Variants in TBC1D8B observed in about 807,000 individuals in gnomAD.
TBC1D8B encodes RP11-321G1.1.
A neutral mutation model predicts 82.9 loss-of-function variants in TBC1D8B; 75 were observed. The observed-to-expected ratio is 0.90, with a 90% confidence interval of 0.75 to 1.10. TBC1D8B has a LOEUF of 1.10. Among genes scored for constraint, TBC1D8B ranks in the 50% least tolerant of loss-of-function variants. The probability of loss-of-function intolerance (pLI) is 0.00; values close to 1 mark genes in which losing one functional copy is unlikely to be tolerated. For missense variants in TBC1D8B, 794 were observed against 796.9 expected (o/e 1.00, Z 0.04); for synonymous variants, 276 against 276.8 (o/e 1.00, Z 0.03).
chrX:106,839,527 C>A (rs1391475291), intron 8 of TBC1D8B, 70 bp downstream of exon 8: 3 of 1,013,979 alleles, frequency 3.0e-6, no homozygotes, highest in East Asian at 6.5e-5. Flanking sequence ...TAAAAGCAGA[C>A]TAGAAGGTAT....
intron 10 of TBC1D8B, among the ~76,000 whole-genome samples, chrX:106,844,484 TATATATATAAAC>T (rs1433230361): frequency 1.1e-3 from 111 of 102,290 alleles, no homozygotes; most frequent in African/African-American, 4.0e-3. Context: ...TCCATATATA[TATATATATAAAC>T]ATATATATAT....
At chrX:106,807,009 T>A (rs769893308) in intron 1 of TBC1D8B, among the ~76,000 whole-genome samples, 1 of 111,294 alleles carries the variant, frequency 9.0e-6, no homozygotes, top group African/African-American at 3.3e-5. Flanking sequence ...TTCCCCTATT[T>A]CCTCACCCCA....
At chrX:106,830,019 G>T (rs1931991201) in intron 7 of TBC1D8B, 1 of 111,390 alleles carries the variant, frequency 9.0e-6, no homozygotes, top group Non-Finnish European at 1.9e-5. Context: ...CCTACAAAAT[G>T]GGAGAAATTT....
At chrX:106,841,363 AC>A in intron 10 of TBC1D8B, among the ~76,000 whole-genome samples, 1 of 112,136 alleles carries the variant, frequency 8.9e-6, no homozygotes, top group Admixed American at 9.5e-5. Flanking sequence ...TGAATTTTGG[AC>A]ATATGGAAAT....
intron 14 of TBC1D8B, 77 bp downstream of exon 14, chrX:106,854,373 TGGG>T: frequency 4.8e-6 from 3 of 629,564 alleles, no homozygotes; most frequent in Non-Finnish European, 4.6e-6. Context: ...AATTATCTTC[TGGG>T]CGAATAAAAT....
chrX:106,854,385 A>G, intron 14 of TBC1D8B, 89 bp downstream of exon 14: 2 of 563,190 alleles, frequency 3.6e-6, no homozygotes, highest in South Asian at 5.4e-5. Flanking sequence ...GGCGAATAAA[A>G]TGAAAAGGAC....
chrX:106,847,186 T>A (rs1932475264), intron 10 of TBC1D8B, among the ~76,000 whole-genome samples: 1 of 111,640 alleles, frequency 9.0e-6, no homozygotes, highest in African/African-American at 3.2e-5. Flanking sequence ...TAGTAAAAAA[T>A]TTGAATTAAC....
At chrX:106,842,087 G>T (rs1932320399) in intron 10 of TBC1D8B, among the ~76,000 whole-genome samples, 1 of 110,633 alleles carries the variant, frequency 9.0e-6, no homozygotes, top group Non-Finnish European at 1.9e-5. Flanking sequence ...ACCTGTAATT[G>T]TTACATGTCA....
chrX:106,839,284 A>T (rs1932246053), intron 7 of TBC1D8B, 24 bp from the exon 8 acceptor site: 1 of 1,120,088 alleles, frequency 8.9e-7, no homozygotes, highest in African/African-American at 1.8e-5. Context: ...TGCATCTGGG[A>T]CAACTACATT....
rs775194593 is a variant in TBC1D8B, at chrX:106,866,011, C to T, written c.2640C>T (p.Phe880=). 2.5e-6 allele frequency: 3 copies of T among 1,202,664 alleles called. No individual in the cohort carries two copies. In the South Asian group the frequency reaches 5.5e-5, roughly 22 times the overall value. The stretch of plus-strand genomic sequence containing the variant: ...AAAACTCTGATTGCCTTATAAACTT[C>T]AAAGAATTCTCCTCTGCAATTGGTA... ...LDENSDCLIN[F]KEFSSAIDIM... The change falls in exon 16 of 21, where the codon TTC becomes TTT. Residue 880 remains phenylalanine (F), a synonymous_variant. Transcript: ENST00000357242.
intron 14 of TBC1D8B, among the ~76,000 whole-genome samples, chrX:106,861,141 T>C (rs1932770434): frequency 8.9e-6 from 1 of 112,069 alleles, no homozygotes; most frequent in South Asian, 3.7e-4. Flanking sequence ...GTTTTATGTC[T>C]GATTGTGTGG....
At chrX:106,868,895 T>C (rs1932830431) in intron 18 of TBC1D8B, among the ~76,000 whole-genome samples, 1 of 112,228 alleles carries the variant, frequency 8.9e-6, no homozygotes, top group Non-Finnish European at 1.9e-5. Flanking sequence ...TAAAGTGATA[T>C]GAGTTTATTT....
intron 7 of TBC1D8B, among the ~76,000 whole-genome samples, chrX:106,830,399 G>C (rs1050920203): frequency 1.4e-4 from 16 of 111,391 alleles, no homozygotes; most frequent in African/African-American, 5.2e-4. Context: ...ATTCCTCAGG[G>C]ATCTAGAACT....
intron 1 of TBC1D8B, among the ~76,000 whole-genome samples, chrX:106,813,276 A>G (rs1931433610): frequency 8.9e-6 from 1 of 112,240 alleles, no homozygotes; most frequent in Non-Finnish European, 1.9e-5. Context: ...AGAAATTGGT[A>G]CATATTAATT....
Position 106,823,234 on chromosome X carries a change from A to G in TBC1D8B, c.595A>G (p.Ile199Val), listed in dbSNP as rs780560303. 1.3e-5 allele frequency: 16 copies of G among 1,204,874 alleles called. No individual in the cohort carries two copies. The highest frequency in any genetic ancestry group is 1.8e-5 in the Non-Finnish European group (16 of 891,814). ...SFLLGSEIKLIISWDEVSKLE... is the reference protein window; with the variant it reads ...SFLLGSEIKLVISWDEVSKLE... ...ATACCTCTTATTTGCAGTAAAACTC[A>G]TTATCTCCTGGGATGAAGTCTCAAA... Residue 199 changes from isoleucine to valine, a missense_variant, in exon 5 of 21, where the codon ATT becomes GTT. Ile to Val is a conservative substitution (Grantham distance 29). Transcript: ENST00000357242.
intron 10 of TBC1D8B, among the ~76,000 whole-genome samples, chrX:106,847,104 G>A (rs1217872322): frequency 9.0e-6 from 1 of 111,729 alleles, no homozygotes; most frequent in Non-Finnish European, 1.9e-5. Context: ...TTCTAGGTAT[G>A]TGTCCTGAGA....
At chrX:106,839,265 A>G (rs1932245335) in intron 7 of TBC1D8B, 43 bp from the exon 8 acceptor site, 1 of 1,086,443 alleles carries the variant, frequency 9.2e-7, no homozygotes, top group Non-Finnish European at 1.2e-6. Context: ...TCTTGTAGAA[A>G]CGTAAGCATG....
At chrX:106,835,493 G>C (rs769799882) in intron 7 of TBC1D8B, among the ~76,000 whole-genome samples, 2 of 112,290 alleles carry the variant, frequency 1.8e-5, no homozygotes, top group African/African-American at 6.5e-5. Context: ...TCCAAATTTG[G>C]TGATTAACAT....
rs2147711876 is a variant in TBC1D8B, at chrX:106,802,978, T to TC, written c.126dup (p.Thr43HisfsTer9). 1.7e-6 allele frequency: 2 copies of TC among 1,203,827 alleles called. No individual in the cohort carries two copies. The highest frequency in any genetic ancestry group is 2.2e-5 in the Admixed American group (1 of 45,704). On this transcript the variant is annotated frameshift_variant, in exon 1 of 21. Transcript: ENST00000357242. LOFTEE classifies it high-confidence loss of function. ...TACGGGGAGGAAGGCGGAGGGGGGC[T>TC]CACAGGTAAGCTGTGGCCACCCTAC...
Sources: gnomAD v4.1 joint callset for allele counts (sites outside exome capture counted in the v4.1 genomes callset) on GRCh38, gnomAD v4.1.1 for gene constraint, MANE v1.5 for transcripts, NCBI Gene and HGNC (gene_info 2026-07-23, HGNC 2026-07-21) for gene names.